Variants in AIM2 observed in about 807,000 individuals in gnomAD.
AIM2 encodes the protein interferon-inducible protein AIM2.
Under a neutral mutation model 27.7 loss-of-function variants are expected in AIM2, and 30 were observed. That is an observed-to-expected ratio of 1.08 (90% confidence interval 0.81 to 1.47). The LOEUF (loss-of-function observed/expected upper bound fraction) is 1.47, where lower values mean the gene tolerates loss of function less well. AIM2 is among the 40% of genes most tolerant of loss of function. The probability of loss-of-function intolerance (pLI) is 0.00; values close to 1 mark genes in which losing one functional copy is unlikely to be tolerated. For synonymous variants in AIM2, 141 were observed against 145.3 expected, an observed-to-expected ratio of 0.97 and a Z score of 0.21; for missense variants, 358 against 411.3, an observed-to-expected ratio of 0.87 and a Z score of 1.12.
chr1:159,115,521 A>G (rs1400341195), intron 1 of AIM2, among the ~76,000 whole-genome samples: 2 of 152,190 alleles, frequency 1.3e-5, no homozygotes, highest in Non-Finnish European at 2.9e-5. Flanking sequence ...GCCCTCAGGA[A>G]TAATGCCGCA....
intron 1 of AIM2, among the ~76,000 whole-genome samples, chr1:159,113,466 T>C (rs1647235442): frequency 6.6e-6 from 1 of 152,214 alleles, no homozygotes; most frequent in African/African-American, 2.4e-5. Flanking sequence ...ATATTCTAAT[T>C]CCTGATGCAG....
intron 1 of AIM2, among the ~76,000 whole-genome samples, chr1:159,136,980 A>G (rs1291241676): frequency 6.6e-6 from 1 of 152,186 alleles, no homozygotes; most frequent in African/African-American, 2.4e-5. Flanking sequence ...CTTTGGGCCC[A>G]GGAGACCTCT....
chr1:159,119,776 ATG>A (rs139839328), intron 1 of AIM2, among the ~76,000 whole-genome samples: 3 of 151,374 alleles, frequency 2.0e-5, no homozygotes, highest in Admixed American at 1.3e-4. Flanking sequence ...CCCCCACCCT[ATG>A]TGTGTGTGTG....
chr1:159,139,920 G>A (rs531751888), intron 1 of AIM2, among the ~76,000 whole-genome samples: 2 of 152,244 alleles, frequency 1.3e-5, no homozygotes, highest in African/African-American at 4.8e-5. Context: ...TACCTTCTCG[G>A]AATTCTCATG....
chr1:159,133,413 G>GA (rs1350178287), intron 1 of AIM2, among the ~76,000 whole-genome samples: 2 of 152,024 alleles, frequency 1.3e-5, no homozygotes, highest in African/African-American at 4.8e-5. Context: ...TAAAGTAAGG[G>GA]AAAAAAAGAT....
At chr1:159,142,066 C>G (rs1192200214), upstream of AIM2, among the ~76,000 whole-genome samples, 2 of 152,288 alleles carry the variant, frequency 1.3e-5, no homozygotes, top group East Asian at 3.9e-4. Flanking sequence ...ACCTCCACCC[C>G]CACTCCCTCA....
chr1:159,100,208 A>C (rs2102017354), intron 1 of AIM2, among the ~76,000 whole-genome samples: 1 of 152,314 alleles, frequency 6.6e-6, no homozygotes, highest in East Asian at 1.9e-4. Flanking sequence ...AGACTTTTGC[A>C]ACCCTTAGCC....
chr1:159,072,097 C>T (rs956287732), intron 2 of AIM2, among the ~76,000 whole-genome samples: 6 of 152,308 alleles, frequency 3.9e-5, no homozygotes, highest in African/African-American at 1.4e-4. Context: ...TGCCTAGATT[C>T]CTGGCTCATC....
intron 3 of AIM2, among the ~76,000 whole-genome samples, chr1:159,068,028 G>C (rs1429224838): frequency 6.6e-6 from 1 of 151,900 alleles, no homozygotes; most frequent in Non-Finnish European, 1.5e-5. Context: ...GAACCAAGCA[G>C]AAAACAAACA....
At chr1:159,106,653 C>T (rs1303905101) in intron 1 of AIM2, among the ~76,000 whole-genome samples, 1 of 152,328 alleles carries the variant, frequency 6.6e-6, no homozygotes, top group Admixed American at 6.5e-5. Context: ...TGGATTAGAA[C>T]ATTCTCTGTC....
chr1:159,078,222 ATTTG>A (rs1206323062), upstream of AIM2, among the ~76,000 whole-genome samples: 2 of 152,246 alleles, frequency 1.3e-5, no homozygotes, highest in Admixed American at 6.5e-5. Context: ...GGTATATGTC[ATTTG>A]TTTGTTTATT....
At chr1:159,076,207 A>G (rs1467510760) in intron 1 of AIM2, among the ~76,000 whole-genome samples, 1 of 152,198 alleles carries the variant, frequency 6.6e-6, no homozygotes, top group Admixed American at 6.5e-5. Flanking sequence ...ATAAGAAGCT[A>G]ATCTTCCTAT....
chr1:159,117,333 A>C (rs894372921), intron 1 of AIM2, among the ~76,000 whole-genome samples: 2 of 152,228 alleles, frequency 1.3e-5, no homozygotes, highest in African/African-American at 4.8e-5. Flanking sequence ...TCAGAAAAAC[A>C]TGTGCTCTGG....
At chr1:159,097,357 T>A (rs1657201125) in intron 1 of AIM2, among the ~76,000 whole-genome samples, 1 of 152,066 alleles carries the variant, frequency 6.6e-6, no homozygotes, top group African/African-American at 2.4e-5. Flanking sequence ...TGAATTATTG[T>A]CCCCTGGGCC....
upstream of AIM2, among the ~76,000 whole-genome samples, chr1:159,144,911 G>GT (rs1403904897): frequency 6.6e-6 from 1 of 152,218 alleles, no homozygotes; most frequent in African/African-American, 2.4e-5. Flanking sequence ...ATCGCATGGA[G>GT]TAAGACAGTG....
chr1:159,078,756 G>A (rs1347463541), upstream of AIM2, among the ~76,000 whole-genome samples: 4 of 152,206 alleles, frequency 2.6e-5, no homozygotes, highest in Admixed American at 2.6e-4. Context: ...TTTGTTAACA[G>A]TCTCACGGAG....
At chr1:159,108,085 G>C (rs1446242663) in intron 1 of AIM2, among the ~76,000 whole-genome samples, 1 of 152,064 alleles carries the variant, frequency 6.6e-6, no homozygotes, top group African/African-American at 2.4e-5. Flanking sequence ...CCAAAACCAG[G>C]AAAGGACATA....
intron 1 of AIM2, among the ~76,000 whole-genome samples, chr1:159,130,382 A>G (rs1647837615): frequency 6.6e-6 from 1 of 152,180 alleles, no homozygotes; most frequent in Admixed American, 6.5e-5. Flanking sequence ...CTAGCTGCCC[A>G]TTAGACATAT....
Position 159,090,044 on chromosome 1 carries a change from T to A in AIM2, c.-15-23715A>T, listed in dbSNP as rs559659106. Among the ~76,000 whole-genome samples, 11 of 152,298 alleles carry A rather than the reference T, an allele frequency of 7.2e-5. 1 individual carries two copies. In the Middle Eastern group the frequency reaches 0.024, roughly 330 times the overall value. The stretch of plus-strand genomic sequence containing the variant: ...CCTGAAGCCAAGGATTTAGGGTCTA[T>A]GAGGAGGTTCAAGGTCACAGCCTTC... On this transcript the variant is annotated intron_variant, in intron 1 of 2. Transcript: ENST00000368129.
Sources: allele counts gnomAD v4.1 joint callset (sites outside exome capture counted in the v4.1 genomes callset), GRCh38; gene constraint gnomAD v4.1.1; transcripts MANE v1.5; gene names NCBI Gene and HGNC (gene_info 2026-07-23, HGNC 2026-07-21).